The following OVCH1 variants were observed in gnomAD, a reference collection of about 807,000 sequenced individuals.
OVCH1 encodes ovochymase 1, also known as ovochymase-1.
A neutral mutation model predicts 138.4 loss-of-function variants in OVCH1; 139 were observed. The ratio of observed to expected loss-of-function variants is 1.00; its 90% CI spans 0.87 to 1.16. OVCH1 has a LOEUF of 1.16. OVCH1 is among the 50% of genes most tolerant of loss of function. The pLI is 0.00. For missense variants in OVCH1, 1,367 were observed against 1,357.9 expected, an observed-to-expected ratio of 1.01 and a Z score of -0.11; for synonymous variants, 453 against 467.8, an observed-to-expected ratio of 0.97 and a Z score of 0.41.
Position 29,445,266 on chromosome 12 carries a change from A to G in OVCH1, c.2881+12T>C, listed in dbSNP as rs1221732238. 6.2e-7 allele frequency: 1 copy of G among 1,600,522 alleles called. No homozygotes were observed. The highest frequency in any genetic ancestry group is 1.3e-5 in the African/African-American group (1 of 74,220). Reference sequence around the variant, plus strand: ...TTTAGCCTTTACAAGTTTATAAAATAACCAAACATACCTAGGACTTTCAAG... The same window carrying G: ...TTTAGCCTTTACAAGTTTATAAAATGACCAAACATACCTAGGACTTTCAAG... On this transcript the variant is annotated intron_variant, in intron 23 of 27. Coordinates refer to ENST00000318184, the Ensembl canonical transcript of OVCH1.
downstream of OVCH1, chr12:29,423,239 C>G (rs762882530): frequency 3.5e-5 from 16 of 455,804 alleles, no homozygotes; most frequent in South Asian, 2.5e-4. Context: ...TTAAAATGCA[C>G]AGTCAGGTAA....
At chr12:29,422,022 C>T (rs991736340) in intron 3 of OVCH1, among the ~76,000 whole-genome samples, 1 of 152,076 alleles carries the variant, frequency 6.6e-6, no homozygotes, top group African/African-American at 2.4e-5. Context: ...ATGCAAACTC[C>T]TCAAAAGACT....
chr12:29,433,015 G>C (rs574032854), intron 27 of OVCH1, among the ~76,000 whole-genome samples: 9 of 151,738 alleles, frequency 5.9e-5, no homozygotes, highest in Admixed American at 1.3e-4. Flanking sequence ...GGCAAAAGGG[G>C]AGACAGTGAG....
chr12:29,494,467 G>A (rs1444981979), intron 4 of OVCH1, among the ~76,000 whole-genome samples: 1 of 152,164 alleles, frequency 6.6e-6, no homozygotes, highest in Non-Finnish European at 1.5e-5. Context: ...ATTTTCAAAT[G>A]TTTCGAGCTT....
chr12:29,405,557 A>G, the OVCH1 span, among the ~76,000 whole-genome samples: 7 of 152,156 alleles, frequency 4.6e-5, no homozygotes, highest in Non-Finnish European at 7.4e-5. Flanking sequence ...AAATCCCACC[A>G]TTTTTCTCTC....
At chr12:29,423,132 A>G (rs1438529344), downstream of OVCH1, 1 of 429,614 alleles carries the variant, frequency 2.3e-6, no homozygotes, top group Non-Finnish European at 4.6e-6. Context: ...CTTACCACTG[A>G]TAGGAAATTG....
At chr12:29,494,356 A>T (rs2136096114) in intron 4 of OVCH1, among the ~76,000 whole-genome samples, 1 of 152,290 alleles carries the variant, frequency 6.6e-6, no homozygotes, top group South Asian at 2.1e-4. Flanking sequence ...TTTAAAAAAA[A>T]GGGGGCTTTT....
At chr12:29,470,316 T>A (rs1942459338) in intron 16 of OVCH1, among the ~76,000 whole-genome samples, 1 of 152,190 alleles carries the variant, frequency 6.6e-6, no homozygotes, top group Non-Finnish European at 1.5e-5. Flanking sequence ...GCTGCACTTA[T>A]CAACCTGTCG....
intron 9 of OVCH1, among the ~76,000 whole-genome samples, chr12:29,478,482 GTTAGTGAACTTGAGAAAGGA>G (rs1275310446): frequency 6.6e-6 from 1 of 152,068 alleles, no homozygotes; most frequent in Non-Finnish European, 1.5e-5. Context: ...ATTCAATACT[GTTAGTGAACTTGAGAAAGGA>G]ATGTGGGATC....
intron 12 of OVCH1, among the ~76,000 whole-genome samples, chr12:29,476,848 A>G (rs1217299649): frequency 1.3e-5 from 2 of 151,520 alleles, no homozygotes; most frequent in African/African-American, 4.9e-5. Context: ...GACACTAGTA[A>G]GTTATCAGTG....
intron 21 of OVCH1, among the ~76,000 whole-genome samples, chr12:29,453,647 C>T (rs1489225995): frequency 2.0e-5 from 3 of 152,062 alleles, no homozygotes; most frequent in Non-Finnish European, 4.4e-5. Context: ...CCAAACAAAT[C>T]TCTCATCCTT....
At chr12:29,431,976 G>C (rs1941277880) in intron 27 of OVCH1, among the ~76,000 whole-genome samples, 1 of 152,156 alleles carries the variant, frequency 6.6e-6, no homozygotes, top group Admixed American at 6.5e-5. Flanking sequence ...CTCTGCCTTA[G>C]CTGAAATGTC....
chr12:29,427,089 T>C (rs1172313370), downstream of OVCH1, among the ~76,000 whole-genome samples: 1 of 152,182 alleles, frequency 6.6e-6, no homozygotes, highest in African/African-American at 2.4e-5. Flanking sequence ...CCAAAGTCAC[T>C]ATCATAGCCT....
At chr12:29,471,501 T>C (rs1942505837) in intron 16 of OVCH1, among the ~76,000 whole-genome samples, 1 of 152,172 alleles carries the variant, frequency 6.6e-6, no homozygotes, top group Non-Finnish European at 1.5e-5. Context: ...TCTTCAAATA[T>C]AGAAAGAAGA....
intron 22 of OVCH1, among the ~76,000 whole-genome samples, chr12:29,449,632 T>C (rs1391610530): frequency 6.6e-6 from 1 of 152,174 alleles, no homozygotes; most frequent in Non-Finnish European, 1.5e-5. Flanking sequence ...CAATTGTGAA[T>C]GGGAGTTCAC....
intron 19 of OVCH1, among the ~76,000 whole-genome samples, chr12:29,457,646 G>A (rs755312605): frequency 2.0e-4 from 31 of 151,790 alleles, no homozygotes; most frequent in African/African-American, 7.5e-4. Context: ...CTCATGATCC[G>A]CCTGCCTTGG....
the OVCH1 span, among the ~76,000 whole-genome samples, chr12:29,403,078 T>A: frequency 6.6e-6 from 1 of 152,208 alleles, no homozygotes; most frequent in Non-Finnish European, 1.5e-5. Flanking sequence ...GGATTCCTAA[T>A]TTAAGTATAT....
chr12:29,477,013 T>A (rs755320401), intron 12 of OVCH1, 89 bp downstream of exon 12: 3 of 1,369,022 alleles, frequency 2.2e-6, no homozygotes, highest in Non-Finnish European at 2.9e-6. Context: ...CTAGTCATAA[T>A]GGCAATTTAA....
At chr12:29,405,021 C>CAAA in the OVCH1 span, among the ~76,000 whole-genome samples, 155 of 80,358 alleles carry the variant, frequency 1.9e-3, 21 homozygotes, top group African/African-American at 7.0e-3. Flanking sequence ...CACTCCACCT[C>CAAA]AAAAAAAAAA....
Sources: allele counts gnomAD v4.1 joint callset (sites outside exome capture counted in the v4.1 genomes callset), GRCh38; gene constraint gnomAD v4.1.1; transcripts MANE v1.5; gene names NCBI Gene and HGNC (gene_info 2026-07-23, HGNC 2026-07-21).